PARD3: variants seen among roughly 807,000 people sequenced by gnomAD.
PARD3 encodes the protein par-3 family cell polarity regulator.
In PARD3, 75 loss-of-function variants were observed where a neutral mutation model predicts 155.4. The observed-to-expected ratio is 0.48, with a 90% CI of 0.40 to 0.58. The LOEUF (loss-of-function observed/expected upper bound fraction) is 0.58, where lower values mean the gene tolerates loss of function less well. Among genes scored for constraint, PARD3 ranks in the 20% least tolerant of loss-of-function variants. The probability of loss-of-function intolerance (pLI) is 0.00; values close to 1 mark genes in which losing one functional copy is unlikely to be tolerated. For synonymous variants in PARD3, 576 were observed against 610.5 expected, an observed-to-expected ratio of 0.94 and a Z score of 0.83; for missense variants, 1,642 against 1,721.7, an observed-to-expected ratio of 0.95 and a Z score of 0.82.
intron 2 of PARD3, among the ~76,000 whole-genome samples, chr10:34,671,734 TCTATCTATCGC>T (rs1212501789): frequency 6.6e-6 from 1 of 152,172 alleles, no homozygotes; most frequent in Non-Finnish European, 1.5e-5. Context: ...TGTAAGTTGT[TCTATCTATCGC>T]AAAGATCAGC....
intron 22 of PARD3, among the ~76,000 whole-genome samples, chr10:34,268,477 C>T (rs1424734336): frequency 2.6e-5 from 2 of 77,596 alleles, no homozygotes; most frequent in Admixed American, 2.1e-4. Flanking sequence ...GACACATGCA[C>T]ACTATGTTTA....
intron 20 of PARD3, among the ~76,000 whole-genome samples, chr10:34,308,066 G>C (rs970185464): frequency 3.9e-5 from 6 of 152,186 alleles, no homozygotes; most frequent in African/African-American, 1.4e-4. Flanking sequence ...GCTATTCCAG[G>C]TAGAGGCAGG....
intron 2 of PARD3, among the ~76,000 whole-genome samples, chr10:34,548,469 A>G (rs1374179760): frequency 1.3e-5 from 2 of 152,228 alleles, no homozygotes; most frequent in African/African-American, 2.4e-5. Flanking sequence ...ACTGCACTGC[A>G]GCCTGGGCAA....
intron 1 of PARD3, among the ~76,000 whole-genome samples, chr10:34,711,325 G>T (rs1277872857): frequency 6.6e-6 from 1 of 152,148 alleles, no homozygotes; most frequent in Non-Finnish European, 1.5e-5. Flanking sequence ...TTTGATACCA[G>T]CCTGGCCAAC....
At chr10:34,731,387 T>C (rs938074988) in intron 1 of PARD3, among the ~76,000 whole-genome samples, 2 of 152,198 alleles carry the variant, frequency 1.3e-5, no homozygotes, top group Admixed American at 1.3e-4. Flanking sequence ...TCCACTGACA[T>C]GGACAGCTAT....
At chr10:34,542,234 T>TGTGCACGTGTGCAC (rs1554889665) in intron 2 of PARD3, among the ~76,000 whole-genome samples, 1 of 146,198 alleles carries the variant, frequency 6.8e-6, no homozygotes, top group East Asian at 2.1e-4. Flanking sequence ...TGTGTGTGTG[T>TGTGCACGTGTGCAC]GTGTGCACAC....
At chr10:34,485,918 GTT>G (rs66906403) in intron 3 of PARD3, among the ~76,000 whole-genome samples, 84 of 95,786 alleles carry the variant, frequency 8.8e-4, no homozygotes, top group African/African-American at 2.3e-3. Context: ...AACGTTTTGG[GTT>G]TTTTTTTTTT....
At chr10:34,740,772 CT>C (rs2094995094) in intron 1 of PARD3, among the ~76,000 whole-genome samples, 1 of 152,140 alleles carries the variant, frequency 6.6e-6, no homozygotes, top group Non-Finnish European at 1.5e-5. Flanking sequence ...TGACGTATAT[CT>C]TTTGAGATCT....
At chr10:34,499,291 A>AT (rs1388686595) in intron 3 of PARD3, among the ~76,000 whole-genome samples, 2 of 152,210 alleles carry the variant, frequency 1.3e-5, no homozygotes, top group Non-Finnish European at 2.9e-5. Flanking sequence ...AAGATGGATG[A>AT]TAAATTAAAA....
At chr10:34,733,821 T>G in intron 1 of PARD3, among the ~76,000 whole-genome samples, 1 of 152,204 alleles carries the variant, frequency 6.6e-6, no homozygotes, top group Admixed American at 6.5e-5. Flanking sequence ...TTTTATCAGG[T>G]ATTTGTTCTG....
chr10:34,533,918 T>C (rs534088041), intron 2 of PARD3, among the ~76,000 whole-genome samples: 1 of 152,296 alleles, frequency 6.6e-6, no homozygotes, highest in South Asian at 2.1e-4. Context: ...AACAGTCCTT[T>C]GCAATTCTAT....
At position 34,363,218 on chromosome 10, in the gene PARD3, A is replaced by G. The variant is rs551706193; in HGVS notation, c.1708-2959T>C. Among the ~76,000 whole-genome samples the G allele has an allele frequency of 2.9e-4, 44 of 152,356 alleles. No individual in the cohort carries two copies. The South Asian group carries it at 8.7e-3, about 30-fold the overall frequency. The stretch of plus-strand genomic sequence containing the variant: ...TTTTTCCTACTTGAAAGATCAGGAT[A>G]AGGAGCTGGCTGCATATATGAAGAA... On this transcript the variant is annotated intron_variant, in intron 12 of 24. Transcript: ENST00000374788.
intron 1 of PARD3, among the ~76,000 whole-genome samples, chr10:34,719,817 T>A (rs2094576071): frequency 6.6e-6 from 1 of 152,160 alleles, no homozygotes; most frequent in South Asian, 2.1e-4. Flanking sequence ...ATTAACAAAA[T>A]TAGCACCTCC....
At chr10:34,483,993 G>A (rs532651366) in intron 3 of PARD3, among the ~76,000 whole-genome samples, 9 of 152,248 alleles carry the variant, frequency 5.9e-5, no homozygotes, top group East Asian at 1.9e-4. Context: ...TATTTTCTCC[G>A]GAAGGTATAT....
At chr10:34,745,620 G>A (rs1158154573) in intron 1 of PARD3, among the ~76,000 whole-genome samples, 4 of 152,128 alleles carry the variant, frequency 2.6e-5, no homozygotes, top group African/African-American at 4.8e-5. Context: ...AGGAAGACTC[G>A]GCAATGTGGA....
At chr10:34,704,015 T>C (rs1251466479) in intron 1 of PARD3, among the ~76,000 whole-genome samples, 2 of 152,128 alleles carry the variant, frequency 1.3e-5, no homozygotes. Context: ...ACACAGCATA[T>C]GAAAACAGGA....
chr10:34,520,443 A>G (rs1003417063), intron 2 of PARD3, among the ~76,000 whole-genome samples: 1 of 152,196 alleles, frequency 6.6e-6, no homozygotes, highest in Non-Finnish European at 1.5e-5. Context: ...TACAAAAAAA[A>G]GGGAAAGGTA....
At chr10:34,213,569 A>T (rs1951856858) in intron 22 of PARD3, among the ~76,000 whole-genome samples, 1 of 152,224 alleles carries the variant, frequency 6.6e-6, no homozygotes. Context: ...AACTTGACTC[A>T]GTTAATGATT....
At chr10:34,361,849 C>T (rs1839474564) in intron 12 of PARD3, among the ~76,000 whole-genome samples, 1 of 151,932 alleles carries the variant, frequency 6.6e-6, no homozygotes, top group South Asian at 2.1e-4. Flanking sequence ...AAAATTAAAA[C>T]TTATATAATG....
Sources: allele counts gnomAD v4.1 joint callset (sites outside exome capture counted in the v4.1 genomes callset), GRCh38; gene constraint gnomAD v4.1.1; transcripts MANE v1.5; gene names NCBI Gene and HGNC (gene_info 2026-07-23, HGNC 2026-07-21).